Variants in SLC12A1 observed in about 807,000 individuals in gnomAD.
SLC12A1 encodes Na-K-2Cl cotransporter.
SLC12A1 carries 89 observed loss-of-function variants against 130.4 expected under a neutral mutation model. The observed-to-expected ratio is 0.68, with a 90% confidence interval of 0.58 to 0.81. The LOEUF is 0.81. Among genes scored for constraint, SLC12A1 ranks in the 40% least tolerant of loss-of-function variants. SLC12A1 has a pLI of 0.00. For missense variants in SLC12A1, 1,310 were observed against 1,336.4 expected (o/e 0.98, Z 0.31); for synonymous variants, 499 against 460.0 (o/e 1.08, Z -1.09).
intron 11 of SLC12A1, among the ~76,000 whole-genome samples, chr15:48,245,642 A>G (rs1299147668): frequency 1.3e-5 from 2 of 152,194 alleles, no homozygotes; most frequent in East Asian, 1.9e-4. Context: ...GTGTATGTGT[A>G]CCACATTTTC....
intron 9 of SLC12A1, among the ~76,000 whole-genome samples, chr15:48,239,966 G>A (rs1471248393): frequency 1.4e-5 from 2 of 147,820 alleles, no homozygotes; most frequent in African/African-American, 5.0e-5. Context: ...CTAAGTTTTT[G>A]TGTTTTAGGT....
chr15:48,244,039 T>C (rs1362329787), intron 10 of SLC12A1, among the ~76,000 whole-genome samples: 1 of 152,226 alleles, frequency 6.6e-6, no homozygotes, highest in Non-Finnish European at 1.5e-5. Flanking sequence ...ATTCTATTTT[T>C]AAGAATCTAT....
chr15:48,299,780 C>T (rs2042213326), intron 25 of SLC12A1, among the ~76,000 whole-genome samples: 1 of 152,132 alleles, frequency 6.6e-6, no homozygotes, highest in Non-Finnish European at 1.5e-5. Flanking sequence ...AAATGGTGAG[C>T]CTTTCTAGAC....
chr15:48,240,094 TATATATATATATATATCC>T lies in SLC12A1; in HGVS notation c.1216-1405_1216-1388del, dbSNP rs2041497469. On this transcript the variant is annotated intron_variant, in intron 9 of 26. Coordinates refer to ENST00000380993, the MANE Select transcript of SLC12A1 (RefSeq NM_000338.3). ...ATCCATATATATATATATATATCCATATATATATATATATATCCATATATATATATATAATATGCATAA... is the reference window on the plus strand; with the variant it reads ...ATCCATATATATATATATATATCCATATATATATATATATAATATGCATAA... 8.9e-5 allele frequency among the ~76,000 whole-genome samples: 7 copies of T among 78,740 alleles called. 1 individual carries two copies. The East Asian group carries it at 1.1e-3, about 12-fold the overall frequency. The allele number at this position is 78,740 out of a possible 152,430, so 51.7% of individuals were successfully genotyped here. A position where few individuals can be genotyped will look rare whatever the true frequency, so the allele number is the denominator to read the frequency against.
At chr15:48,257,914 C>T (rs980978501) in intron 16 of SLC12A1, among the ~76,000 whole-genome samples, 1 of 152,186 alleles carries the variant, frequency 6.6e-6, no homozygotes, top group African/African-American at 2.4e-5. Flanking sequence ...CTTTCTACTG[C>T]AAATTTTTCC....
rs2041288974 is a variant in SLC12A1 at position 48,226,526 on chromosome 15, G to A, written c.679G>A (p.Gly227Arg). ...TTCCACCATGGTAACTTCTATTACT[G>A]GGTTGTCAACTTCTGCGATAGCAAC... ...LLSTMVTSIT[G>R]LSTSAIATNG... The change falls in exon 5 of 27, where the codon GGG (glycine) becomes AGG (arginine). Residue 227 changes from glycine to arginine, a missense_variant. By Grantham distance (125) the Gly-to-Arg change is moderately radical. Coordinates refer to ENST00000380993, the MANE Select transcript of SLC12A1 (RefSeq NM_000338.3). 1 of 1,609,764 alleles carries A rather than the reference G, an allele frequency of 6.2e-7. No homozygotes were observed. Among genetic ancestry groups the A allele is most frequent in the African/African-American group, 1.3e-5 (1 of 74,642 alleles).
At chr15:48,212,383 T>C (rs2041062580) in intron 2 of SLC12A1, among the ~76,000 whole-genome samples, 1 of 152,208 alleles carries the variant, frequency 6.6e-6, no homozygotes, top group African/African-American at 2.4e-5. Context: ...ACTTTCTGTT[T>C]ATATTTATTT....
chr15:48,287,641 G>C (rs1274586271), intron 21 of SLC12A1, among the ~76,000 whole-genome samples: 1 of 152,098 alleles, frequency 6.6e-6, no homozygotes, highest in Non-Finnish European at 1.5e-5. Flanking sequence ...CACATGTTAA[G>C]TAAATACAAA....
At chr15:48,238,715 A>G (rs1377107170) in intron 9 of SLC12A1, among the ~76,000 whole-genome samples, 1 of 152,200 alleles carries the variant, frequency 6.6e-6, no homozygotes, top group African/African-American at 2.4e-5. Context: ...CAGTTTAGAA[A>G]ACATTTACTG....
intron 24 of SLC12A1, among the ~76,000 whole-genome samples, chr15:48,294,227 A>C (rs2042149381): frequency 6.6e-6 from 1 of 151,478 alleles, no homozygotes; most frequent in Non-Finnish European, 1.5e-5. Context: ...GGGTGCCTGT[A>C]GTCCCAACTA....
chr15:48,247,086 A>G, intron 12 of SLC12A1, 70 bp downstream of exon 12: 3 of 1,280,950 alleles, frequency 2.3e-6, no homozygotes, highest in Non-Finnish European at 3.4e-6. Context: ...AAGCTGAAAT[A>G]TTCGTTCTCA....
chr15:48,295,463 A>G lies in SLC12A1; in HGVS notation c.2960+3599A>G, dbSNP rs75379350. Reference sequence around the variant, plus strand: ...GGAGGCTGATGTACCTCTTCCATTAACCAAGCCTCTTTATTCTTTGAATAC... The same window carrying G: ...GGAGGCTGATGTACCTCTTCCATTAGCCAAGCCTCTTTATTCTTTGAATAC... On this transcript the variant is annotated intron_variant, in intron 24 of 26. Transcript: ENST00000380993. Among the ~76,000 whole-genome samples the G allele has an allele frequency of 2.7e-3, 418 of 152,024 alleles. 10 individuals carry two copies. In the East Asian group the frequency reaches 0.068, roughly 25 times the overall value.
chr15:48,257,873 C>T (rs1017808540), intron 16 of SLC12A1, among the ~76,000 whole-genome samples: 2 of 152,220 alleles, frequency 1.3e-5, no homozygotes, highest in Admixed American at 6.5e-5. Flanking sequence ...CTGCAGCCAG[C>T]TTAAATTTCT....
chr15:48,285,920 C>T lies in SLC12A1; in HGVS notation c.2629+671C>T, dbSNP rs142887279. On this transcript the variant is annotated intron_variant, in intron 21 of 26. Coordinates refer to ENST00000380993, the MANE Select transcript of SLC12A1 (RefSeq NM_000338.3). ...GCTATGGGTTTGAGTTTAATGAGGT[C>T]CACAGTGACCTCTGCTGGTCAAAAA... 3.6e-3 allele frequency among the ~76,000 whole-genome samples: 542 copies of T among 152,260 alleles called. 4 individuals are homozygous for T. The highest frequency in any genetic ancestry group is 3.7e-3 in the Non-Finnish European group (252 of 68,024).
In SLC12A1 at chr15:48,208,016, A is replaced by G. The variant is rs753965618; in HGVS notation, c.297A>G (p.Gln99=). The change falls in exon 2 of 27, where the codon CAA becomes CAG. Residue 99 remains glutamine, a synonymous_variant. Coordinates refer to ENST00000380993, the MANE Select transcript of SLC12A1 (RefSeq NM_000338.3). The stretch of plus-strand genomic sequence containing the variant: ...CTCACACAAACACATACTATCTACA[A>G]ACTTTTGGCCACAACACCATGGATG... ...YDSHTNTYYL[Q]TFGHNTMDAV... The G allele has an allele frequency of 7.4e-6, 12 of 1,613,958 alleles. No homozygotes were observed. Among genetic ancestry groups the G allele is most frequent in the Admixed American group, 1.7e-5 (1 of 60,032 alleles).
chr15:48,230,999 G>C (rs1471313663), intron 7 of SLC12A1, among the ~76,000 whole-genome samples: 1 of 152,162 alleles, frequency 6.6e-6, no homozygotes. Flanking sequence ...TGATAAAATG[G>C]ATAGTAAATT....
chr15:48,214,610 A>C (rs2041097154), intron 2 of SLC12A1, among the ~76,000 whole-genome samples: 1 of 152,206 alleles, frequency 6.6e-6, no homozygotes. Context: ...GCCTTTTATC[A>C]CAAAGGGATA....
At chr15:48,226,966 G>GT in intron 5 of SLC12A1, 1 of 701,916 alleles carries the variant, frequency 1.4e-6, no homozygotes, top group Non-Finnish European at 2.5e-6. Context: ...AACATTTCAG[G>GT]TTTTCACAGG....
chr15:48,260,976 A>T (rs558960171), intron 17 of SLC12A1, among the ~76,000 whole-genome samples: 5 of 152,172 alleles, frequency 3.3e-5, no homozygotes, highest in African/African-American at 1.2e-4. Flanking sequence ...AGATGGAGAG[A>T]CTCCTACTGA....
Sources: gnomAD v4.1 joint callset for allele counts (sites outside exome capture counted in the v4.1 genomes callset) on GRCh38, gnomAD v4.1.1 for gene constraint, MANE v1.5 for transcripts, NCBI Gene and HGNC (gene_info 2026-07-23, HGNC 2026-07-21) for gene names.